Variants in NSUN6 observed in about 807,000 individuals in gnomAD.
NSUN6 encodes tRNA (cytosine(72)-C(5))-methyltransferase NSUN6.
Under a neutral mutation model 58.0 loss-of-function variants are expected in NSUN6, and 64 were observed. The observed-to-expected ratio is 1.10, with a 90% CI of 0.90 to 1.36. NSUN6 has a LOEUF of 1.36. Ranked by LOEUF, NSUN6 falls within the 40% of genes most tolerant of loss-of-function variation. The pLI is 0.00. For synonymous variants in NSUN6, 231 were observed against 193.9 expected (o/e 1.19, Z -1.59); for missense variants, 701 against 550.1 (o/e 1.27, Z -2.74).
intron 2 of NSUN6, among the ~76,000 whole-genome samples, chr10:18,645,235 G>A (rs1030277108): frequency 4.2e-5 from 6 of 143,212 alleles, no homozygotes; most frequent in Non-Finnish European, 9.1e-5. Flanking sequence ...AGGAATGATA[G>A]TGATGTCAAA....
intron 3 of NSUN6, among the ~76,000 whole-genome samples, chr10:18,625,046 T>A (rs928454237): frequency 1.3e-5 from 2 of 152,206 alleles, no homozygotes; most frequent in Non-Finnish European, 2.9e-5. Context: ...ACAACTATTT[T>A]ACATGTCACA....
chr10:18,591,524 C>T (rs562765315), intron 7 of NSUN6, among the ~76,000 whole-genome samples: 19 of 152,206 alleles, frequency 1.2e-4, no homozygotes, highest in African/African-American at 3.1e-4. Context: ...TTATCCACCA[C>T]AATCAAGTCA....
chr10:18,649,781 G>A (rs1157396385), intron 1 of NSUN6, among the ~76,000 whole-genome samples: 2 of 152,108 alleles, frequency 1.3e-5, no homozygotes, highest in Non-Finnish European at 2.9e-5. Context: ...TTTATAAAAC[G>A]ACGTTCTCCA....
chr10:18,600,959 T>TATACAC lies in NSUN6; in HGVS notation c.658-4633_658-4632insGTGTAT. 5.7e-3 allele frequency among the ~76,000 whole-genome samples: 372 copies of TATACAC among 64,970 alleles called. 13 individuals carry two copies. Among genetic ancestry groups the TATACAC allele is most frequent in the Non-Finnish European group, 6.9e-3 (226 of 32,724 alleles). 42.6% of individuals were successfully genotyped at this position (64,970 alleles called of 152,430 possible). A position where few individuals can be genotyped will look rare whatever the true frequency, so the allele number is the denominator to read the frequency against. ...AAAAAAAAATATATATATATATATA[T>TATACAC]ACATATATATATATATATGTATATA... On this transcript the variant is annotated intron_variant, in intron 6 of 10. Coordinates refer to ENST00000377304, the MANE Select transcript of NSUN6 (RefSeq NM_182543.5).
intron 1 of NSUN6, 28 bp downstream of exon 1, chr10:18,651,101 T>C (rs1485060974): frequency 6.4e-7 from 1 of 1,571,466 alleles, no homozygotes; most frequent in Non-Finnish European, 8.6e-7. Context: ...TTTTGCAAAA[T>C]ATCAACTAAC....
chr10:18,633,066 C>G (rs1235673077), intron 3 of NSUN6, among the ~76,000 whole-genome samples: 1 of 151,756 alleles, frequency 6.6e-6, no homozygotes, highest in African/African-American at 2.4e-5. Flanking sequence ...CCATGGAATA[C>G]TATGCAGCCA....
At chr10:18,555,577 A>C (rs961154115) in intron 8 of NSUN6, among the ~76,000 whole-genome samples, 1 of 150,488 alleles carries the variant, frequency 6.6e-6, no homozygotes, top group Non-Finnish European at 1.5e-5. Flanking sequence ...TGGAATGGAG[A>C]ATGGAATGAA....
At chr10:18,553,249 C>A (rs1477064537) in intron 8 of NSUN6, among the ~76,000 whole-genome samples, 1 of 151,894 alleles carries the variant, frequency 6.6e-6, no homozygotes, top group East Asian at 1.9e-4. Flanking sequence ...TTTCATTCTC[C>A]ATTCCATTCC....
intron 7 of NSUN6, among the ~76,000 whole-genome samples, chr10:18,586,392 G>A (rs528583754): frequency 1.3e-5 from 2 of 152,238 alleles, no homozygotes; most frequent in Non-Finnish European, 2.9e-5. Context: ...TGTGTCTGGA[G>A]TTTCTTCCTT....
In NSUN6 at chr10:18,563,187, T is replaced by C. The variant is rs144502113; in HGVS notation, c.923-11216A>G. On this transcript the variant is annotated intron_variant, in intron 8 of 10. Transcript: ENST00000377304. ...GAGAATGGAATGGAATGGAGAATGGTATGGAATGGAATGGAGAATGGTATG... is the reference window on the plus strand; with the variant it reads ...GAGAATGGAATGGAATGGAGAATGGCATGGAATGGAATGGAGAATGGTATG... Among the ~76,000 whole-genome samples the C allele has an allele frequency of 1.5e-3, 128 of 87,516 alleles. 2 individuals are homozygous for C. In the East Asian group the frequency reaches 0.039, roughly 27 times the overall value. 57.4% of individuals were successfully genotyped at this position (87,516 alleles called of 152,430 possible). A position where few individuals can be genotyped will look rare whatever the true frequency, so the allele number is the denominator to read the frequency against.
chr10:18,641,630 A>G (rs2059393354), intron 3 of NSUN6, among the ~76,000 whole-genome samples: 1 of 152,042 alleles, frequency 6.6e-6, no homozygotes, highest in South Asian at 2.1e-4. Context: ...TCAGCCTCCC[A>G]AAGTGCTGGG....
intron 3 of NSUN6, among the ~76,000 whole-genome samples, chr10:18,619,179 G>A (rs1401549774): frequency 6.6e-6 from 1 of 152,200 alleles, no homozygotes; most frequent in African/African-American, 2.4e-5. Context: ...GACTGAATGA[G>A]TGCTGCTCCA....
chr10:18,634,450 C>G (rs773351812), intron 3 of NSUN6, among the ~76,000 whole-genome samples: 1 of 152,092 alleles, frequency 6.6e-6, no homozygotes, highest in East Asian at 1.9e-4. Flanking sequence ...GAGCCCATGA[C>G]CAAGACAGGC....
intron 8 of NSUN6, among the ~76,000 whole-genome samples, chr10:18,582,400 ACT>A (rs2131080111): frequency 6.6e-6 from 1 of 152,232 alleles, no homozygotes; most frequent in South Asian, 2.1e-4. Flanking sequence ...GCCTCAGCAC[ACT>A]CTTGAAAATA....
At chr10:18,548,280 A>G in intron 9 of NSUN6, 43 bp from the exon 10 acceptor site, 1 of 1,543,500 alleles carries the variant, frequency 6.5e-7, no homozygotes, top group Non-Finnish European at 8.8e-7. Flanking sequence ...ACAAGACCAG[A>G]TAAACATATG....
At chr10:18,616,042 A>G (rs2058397626) in intron 4 of NSUN6, 142 bp downstream of exon 4, 6 of 599,210 alleles carry the variant, frequency 1.0e-5, no homozygotes, top group Non-Finnish European at 1.8e-5. Flanking sequence ...CTTACTGGAT[A>G]AAACCCTAAA....
rs2054224597 is a variant in NSUN6 at position 18,545,902 on chromosome 10, G to C, written c.*31C>G. 1 of 1,125,986 alleles carries C rather than the reference G, an allele frequency of 8.9e-7. No homozygotes were observed. Among genetic ancestry groups the C allele is most frequent in the East Asian group, 2.6e-5 (1 of 37,978 alleles). 69.7% of individuals were successfully genotyped at this position (1,125,986 alleles called of 1,614,324 possible). On this transcript the variant is annotated 3_prime_UTR_variant, in exon 11 of 11. Coordinates refer to ENST00000377304, the MANE Select transcript of NSUN6 (RefSeq NM_182543.5). ...AAAAACCACAGACAGCAAATGTTTG[G>C]AATTTTCATTTCTGAGCATCCATCC...
intron 7 of NSUN6, among the ~76,000 whole-genome samples, chr10:18,586,529 A>G (rs2057151310): frequency 1.3e-5 from 2 of 151,980 alleles, no homozygotes; most frequent in East Asian, 1.9e-4. Flanking sequence ...GGTCTTGCTG[A>G]CTTGGGGAGT....
intron 8 of NSUN6, among the ~76,000 whole-genome samples, chr10:18,568,527 T>A (rs1351884899): frequency 6.6e-6 from 1 of 150,904 alleles, no homozygotes; most frequent in Non-Finnish European, 1.5e-5. Flanking sequence ...TCCATTCCAA[T>A]CCATTCTCCA....
Sources: allele counts gnomAD v4.1 joint callset (sites outside exome capture counted in the v4.1 genomes callset), GRCh38; gene constraint gnomAD v4.1.1; transcripts MANE v1.5; gene names NCBI Gene and HGNC (gene_info 2026-07-23, HGNC 2026-07-21).